ADD3: variants seen among roughly 807,000 people sequenced by gnomAD.
ADD3 encodes adducin 3, also known as gamma-adducin.
Under a neutral mutation model 80.2 loss-of-function variants are expected in ADD3, and 25 were observed. That is an observed-to-expected ratio of 0.31 (90% confidence interval 0.23 to 0.44). The LOEUF (loss-of-function observed/expected upper bound fraction) is 0.44, where lower values mean the gene tolerates loss of function less well. Among genes scored for constraint, ADD3 ranks in the 20% least tolerant of loss-of-function variants. ADD3 has a pLI of 1.00. For synonymous variants in ADD3, 284 were observed against 289.6 expected (o/e 0.98, Z 0.20); for missense variants, 829 against 847.5 (o/e 0.98, Z 0.27).
At chr10:110,111,338 C>T (rs759886280) in intron 2 of ADD3, among the ~76,000 whole-genome samples, 11 of 152,098 alleles carry the variant, frequency 7.2e-5, no homozygotes, top group African/African-American at 1.7e-4. Context: ...ATCTTTAAAA[C>T]GAAGGAGACA....
At chr10:110,110,341 C>T (rs781265464) in intron 2 of ADD3, among the ~76,000 whole-genome samples, 1 of 152,166 alleles carries the variant, frequency 6.6e-6, no homozygotes, top group Admixed American at 6.5e-5. Context: ...GAGGGAGACA[C>T]ACTAGAGTCT....
At position 110,133,629 on chromosome 10, in the gene ADD3, T is replaced by C. The variant is rs891859356; in HGVS notation, c.*11T>C. 3 of 1,537,918 alleles carry C rather than the reference T, an allele frequency of 2.0e-6. No individual in the cohort carries two copies. In the African/African-American group the frequency reaches 4.2e-5, roughly 21 times the overall value. ...AAAGTTGAGGCCTAAATAAAGTCTT[T>C]TTATAATTATTATTATAACAATGTG... On this transcript the variant is annotated 3_prime_UTR_variant, in exon 15 of 15. Coordinates refer to ENST00000356080, the MANE Select transcript of ADD3 (RefSeq NM_016824.5).
chr10:109,996,942 T>A (rs982524984), intron 1 of ADD3, among the ~76,000 whole-genome samples: 2 of 152,210 alleles, frequency 1.3e-5, no homozygotes. Context: ...GTGTTACTAC[T>A]CCCAGGAAGG....
intron 1 of ADD3, among the ~76,000 whole-genome samples, chr10:110,015,488 G>T (rs1194562668): frequency 6.6e-6 from 1 of 150,492 alleles, no homozygotes; most frequent in Admixed American, 6.7e-5. Flanking sequence ...CCATTCTCCT[G>T]CCTCAGCCTC....
Position 110,126,499 on chromosome 10 carries a change from C to T in ADD3, c.1604C>T (p.Pro535Leu). ...GCTGGAATTGTTGTGGATAAGCCAC[C>T]TTCTGTAAGTTTATGAAGTAGTATG... is the stretch of plus-strand genomic sequence containing the variant. The part of the protein sequence containing the change: ...LLAGIVVDKP[P>L]STMQFEDDDH... The change falls in exon 12 of 15, where the codon CCT becomes CTT. Residue 535 changes from proline (P) to leucine (L), a missense_variant. Physicochemically the swap from Pro to Leu is moderately conservative, Grantham distance 98 (BLOSUM62 -3). Transcript: ENST00000356080. 1 of 1,609,866 alleles carries T rather than the reference C, an allele frequency of 6.2e-7. No homozygotes were observed.
chr10:110,032,495 G>C (rs543906135), intron 1 of ADD3, among the ~76,000 whole-genome samples: 1 of 152,192 alleles, frequency 6.6e-6, no homozygotes, highest in Non-Finnish European at 1.5e-5. Flanking sequence ...GTGGGCAGCA[G>C]GGATACTTGG....
intron 1 of ADD3, among the ~76,000 whole-genome samples, chr10:110,054,616 T>C (rs1857934725): frequency 7.3e-6 from 1 of 136,908 alleles, no homozygotes; most frequent in East Asian, 2.1e-4. Flanking sequence ...CAAAATTTCT[T>C]TTTTTTTTTT....
intron 2 of ADD3, among the ~76,000 whole-genome samples, chr10:110,103,936 C>G (rs1849125438): frequency 6.6e-6 from 1 of 152,110 alleles, no homozygotes; most frequent in Admixed American, 6.5e-5. Flanking sequence ...CTTCCACATG[C>G]AAAATACACT....
At chr10:110,063,548 GAGCTA>G (rs1843459060) in intron 1 of ADD3, among the ~76,000 whole-genome samples, 1 of 151,348 alleles carries the variant, frequency 6.6e-6, no homozygotes, top group Non-Finnish European at 1.5e-5. Flanking sequence ...TGTCTCCAGA[GAGCTA>G]AGCTAACCAA....
intron 1 of ADD3, among the ~76,000 whole-genome samples, chr10:110,090,142 A>G (rs999257501): frequency 2.0e-5 from 3 of 149,772 alleles, no homozygotes; most frequent in Non-Finnish European, 4.4e-5. Context: ...GATCCTCAGC[A>G]TTGTCCAACT....
At chr10:110,089,012 G>A (rs1847143310) in intron 1 of ADD3, among the ~76,000 whole-genome samples, 1 of 152,006 alleles carries the variant, frequency 6.6e-6, no homozygotes, top group Admixed American at 6.6e-5. Context: ...TCTAATTTCA[G>A]CTTGTGAAAT....
At chr10:110,039,448 C>T (rs2133274657) in intron 1 of ADD3, among the ~76,000 whole-genome samples, 2 of 152,124 alleles carry the variant, frequency 1.3e-5, no homozygotes, top group Middle Eastern at 6.8e-3. Flanking sequence ...GTCCCAGCCA[C>T]CTGGATATAA....
intron 12 of ADD3, among the ~76,000 whole-genome samples, chr10:110,127,472 C>A (rs2134202581): frequency 6.6e-6 from 1 of 152,272 alleles, no homozygotes; most frequent in Non-Finnish European, 1.5e-5. Context: ...CAAAAATTAG[C>A]TGTGCGTGGT....
chr10:110,070,696 A>C (rs778124020), intron 1 of ADD3, among the ~76,000 whole-genome samples: 2 of 152,160 alleles, frequency 1.3e-5, no homozygotes, highest in Non-Finnish European at 2.9e-5. Flanking sequence ...AAAACACATT[A>C]AGATGCTTGA....
At chr10:110,047,426 A>G (rs1857019116) in intron 1 of ADD3, among the ~76,000 whole-genome samples, 1 of 152,198 alleles carries the variant, frequency 6.6e-6, no homozygotes, top group South Asian at 2.1e-4. Context: ...TGCACACTAT[A>G]TTAAGTGGGG....
In ADD3 at chr10:110,098,064, C is replaced by T. The variant is rs187918225; in HGVS notation, c.-29-2561C>T. On this transcript the variant is annotated intron_variant, in intron 1 of 14. Transcript: ENST00000356080. ...TGCTGGGATTACAGGCATAAGCTACCGCGCCCAGCCTAGTCTTTATTTTTC... is the reference window on the plus strand; with the variant it reads ...TGCTGGGATTACAGGCATAAGCTACTGCGCCCAGCCTAGTCTTTATTTTTC... Among the ~76,000 whole-genome samples the T allele has an allele frequency of 3.0e-3, 459 of 152,212 alleles. 3 individuals are homozygous for T. The highest frequency in any genetic ancestry group is 0.01 in the African/African-American group (435 of 41,552).
chr10:110,052,912 C>A (rs529995657), intron 1 of ADD3, among the ~76,000 whole-genome samples: 8 of 152,152 alleles, frequency 5.3e-5, no homozygotes, highest in Non-Finnish European at 1.0e-4. Context: ...GCAGGAACAA[C>A]CATAAATATA....
chr10:110,023,686 A>AT (rs1853952793), intron 1 of ADD3, among the ~76,000 whole-genome samples: 1 of 152,218 alleles, frequency 6.6e-6, no homozygotes, highest in Admixed American at 6.5e-5. Context: ...AAACATAAAC[A>AT]TTTTAGAAAC....
upstream of ADD3, among the ~76,000 whole-genome samples, chr10:110,006,778 C>T (rs1206787514): frequency 1.3e-5 from 2 of 148,198 alleles, no homozygotes; most frequent in East Asian, 2.0e-4. Flanking sequence ...AGGCGGATGG[C>T]GTGAGGTATT....
Sources: allele counts gnomAD v4.1 joint callset (sites outside exome capture counted in the v4.1 genomes callset), GRCh38; gene constraint gnomAD v4.1.1; transcripts MANE v1.5; gene names NCBI Gene and HGNC (gene_info 2026-07-23, HGNC 2026-07-21).